The following S1PR5 variants were observed in gnomAD, a reference collection of about 807,000 sequenced individuals.
The protein encoded by S1PR5 is sphingosine 1-phosphate receptor 5.
For synonymous variants in S1PR5, 307 were observed against 284.7 expected (o/e 1.08, Z -0.79); for missense variants, 583 against 571.7 (o/e 1.02, Z -0.20).
In S1PR5 at chr19:10,514,196, C is replaced by G; in HGVS notation, c.816G>C (p.Leu272Phe). The change falls in exon 2 of 2, where the codon TTG becomes TTC. Residue 272 changes from leucine to phenylalanine, a missense_variant. Leu to Phe is a conservative substitution (Grantham distance 22, BLOSUM62 0). Transcript: ENST00000333430. ...ACWGPLFLLL[L>F]LDVACPARTC... Reference sequence around the variant, plus strand: ...TGCGCGCCGGGCACGCCACGTCGAGCAACAGCAGCAGGAAGAGGGGGCCCC... The same window carrying G: ...TGCGCGCCGGGCACGCCACGTCGAGGAACAGCAGCAGGAAGAGGGGGCCCC... 1 of 1,612,006 alleles carries G rather than the reference C, an allele frequency of 6.2e-7. No homozygotes were observed. The highest frequency in any genetic ancestry group is 8.5e-7 in the Non-Finnish European group (1 of 1,179,494).
Position 10,514,748 on chromosome 19 carries a change from G to C in S1PR5, c.264C>G (p.Ala88=). 1 of 1,612,004 alleles carries C rather than the reference G, an allele frequency of 6.2e-7. No homozygotes were observed. The highest frequency in any genetic ancestry group is 1.3e-5 in the African/African-American group (1 of 75,044). Residue 88 remains alanine (A), a synonymous_variant, in exon 2 of 2, where the codon GCC becomes GCG. Transcript: ENST00000333430. ...LTLSDLLAGA[A]YAANILLSGP... ...CCGACAGTAGGATGTTGGCGGCGTA[G>C]GCGGCGCCTGCCAGCAGATCCGACA... is the stretch of plus-strand genomic sequence containing the variant.
chr19:10,515,830 A>C (rs1167198362), intron 1 of S1PR5, among the ~76,000 whole-genome samples: 1 of 152,028 alleles, frequency 6.6e-6, no homozygotes, highest in East Asian at 1.9e-4. Flanking sequence ...GTCCCAGCTG[A>C]GGTGAGAGGA....
Position 10,514,928 on chromosome 19 carries a change from C to T in S1PR5, c.84G>A (p.Ala28=). The T allele has an allele frequency of 6.2e-7, 1 of 1,609,274 alleles. No homozygotes were observed. Among genetic ancestry groups the T allele is most frequent in the South Asian group, 1.1e-5 (1 of 90,894 alleles). The change falls in exon 2 of 2, where the codon GCG becomes GCA. Residue 28 remains alanine (A), a synonymous_variant. Coordinates refer to ENST00000333430, the MANE Select transcript of S1PR5 (RefSeq NM_030760.5). ...HYNYTGKLRG[A]RYQPGAGLRA... is the part of the protein sequence containing the mutation. ...GCAGGCCGGCACCCGGCTGGTAGCG[C>T]GCACCGCGGAGCTTGCCGGTGTAGT...
rs1383113926 is a variant in S1PR5, at chr19:10,514,068, T to A, written c.944A>T (p.His315Leu). 3.1e-6 allele frequency: 5 copies of A among 1,612,310 alleles called. No homozygotes were observed. In the Admixed American group the frequency reaches 5.0e-5, roughly 16 times the overall value. ...GCAGCAGACCAGGCGCAGGAGCGCG[T>A]GGCGCAGGTCGCGGTTGGTGAGCGT... ...IYTLTNRDLR[H>L]ALLRLVCCGR... is the part of the protein sequence containing the mutation. Residue 315 changes from histidine to leucine, a missense_variant, in exon 2 of 2, where the codon CAC (histidine) becomes CTC (leucine). His to Leu is a moderately conservative substitution (Grantham distance 99). Transcript: ENST00000333430.
chr19:10,515,316 T>C (rs1008214209), intron 1 of S1PR5, among the ~76,000 whole-genome samples: 3 of 152,006 alleles, frequency 2.0e-5, no homozygotes, highest in Admixed American at 1.3e-4. Context: ...CTCAGGCCTG[T>C]AATCCCCGCC....
In S1PR5 at chr19:10,513,762, T is replaced by C. The variant is rs927872144; in HGVS notation, c.*53A>G. The C allele has an allele frequency of 1.3e-5, 21 of 1,579,642 alleles. No homozygotes were observed. The highest frequency in any genetic ancestry group is 2.3e-5 in the East Asian group (1 of 43,968). ...GCTGCATTTCCTACAAATTCCTTTA[T>C]GTAAAAAGAACAAGTCTGTAAAACT... is the stretch of plus-strand genomic sequence containing the variant. On this transcript the variant is annotated 3_prime_UTR_variant, in exon 2 of 2. Transcript: ENST00000333430.
chr19:10,516,258 C>T (rs1276145584), intron 1 of S1PR5, among the ~76,000 whole-genome samples: 2 of 152,106 alleles, frequency 1.3e-5, no homozygotes, highest in African/African-American at 2.4e-5. Context: ...TGTCTCACTG[C>T]ATACAAAGCT....
chr19:10,516,173 C>A (rs921350428), intron 1 of S1PR5, among the ~76,000 whole-genome samples: 21 of 152,248 alleles, frequency 1.4e-4, no homozygotes, highest in Non-Finnish European at 1.0e-4. Flanking sequence ...GGTCTCCCAC[C>A]CAGTGGCACA....
chr19:10,515,001 C>A lies in S1PR5; in HGVS notation c.11G>T (p.Gly4Val). ...GCTCACCGGCGCCGGCCGCAGCAGC[C>A]CCGACTCCATGGGCCGCGCGCCCCA... The part of the protein sequence containing the change: MES[G>V]LLRPAPVSEV... The change falls in exon 2 of 2, where the codon GGG becomes GTG. Residue 4 changes from glycine (G) to valine (V), a missense_variant. Gly to Val is a moderately radical substitution (Grantham distance 109). Coordinates refer to ENST00000333430, the MANE Select transcript of S1PR5 (RefSeq NM_030760.5). 6.4e-7 allele frequency: 1 copy of A among 1,562,858 alleles called. No homozygotes were observed. Among genetic ancestry groups the A allele is most frequent in the Non-Finnish European group, 8.6e-7 (1 of 1,159,970 alleles).
Position 10,514,634 on chromosome 19 carries a change from G to A in S1PR5, c.378C>T (p.Leu126=), listed in dbSNP as rs1915383922. 3 of 1,598,710 alleles carry A rather than the reference G, an allele frequency of 1.9e-6. No homozygotes were observed. The East Asian group carries it at 6.8e-5, about 36-fold the overall frequency. The change falls in exon 2 of 2, where the codon CTC becomes CTT. Residue 126 remains leucine, a synonymous_variant. Coordinates refer to ENST00000333430, the MANE Select transcript of S1PR5 (RefSeq NM_030760.5). ...FVALTASVLS[L]LAIALERSLT... is the part of the protein sequence containing the mutation. The stretch of plus-strand genomic sequence containing the variant: ...GGCTGCGCTCCAGCGCGATGGCCAG[G>A]AGGCTCAGCACGGACGCAGTGAGTG...
chr19:10,516,277 C>A (rs1915435724), intron 1 of S1PR5, among the ~76,000 whole-genome samples: 1 of 152,068 alleles, frequency 6.6e-6, no homozygotes, highest in Admixed American at 6.6e-5. Context: ...CTTTTTCCTG[C>A]CAAAACCCCC....
chr19:10,513,960 C>A lies in S1PR5; in HGVS notation c.1052G>T (p.Cys351Phe). Residue 351 changes from cysteine (C) to phenylalanine (F), a missense_variant, in exon 2 of 2, where the codon TGC becomes TTC. Physicochemically the swap from Cys to Phe is radical, Grantham distance 205. Transcript: ENST00000333430. ...AAEASGGLRR[C>F]LPPGLDGSFS... Reference sequence around the variant, plus strand: ...GCTCCCATCAAGGCCCGGGGGCAGGCAGCGGCGCAGGCCCCCGGAAGCCTC... The same window carrying A: ...GCTCCCATCAAGGCCCGGGGGCAGGAAGCGGCGCAGGCCCCCGGAAGCCTC... The A allele has an allele frequency of 6.3e-7, 1 of 1,597,912 alleles. No homozygotes were observed. The highest frequency in any genetic ancestry group is 1.1e-5 in the South Asian group (1 of 89,900).
Position 10,513,447 on chromosome 19 carries a change from G to A in S1PR5, c.*368C>T, listed in dbSNP as rs1599499103. ...CACATTTCAGCCTCAGGGCCTTTGC[G>A]CATGCCATTCCCTCATCCTGAAATG... On this transcript the variant is annotated 3_prime_UTR_variant, in exon 2 of 2. Transcript: ENST00000333430. 4.1e-6 allele frequency: 2 copies of A among 489,550 alleles called. No individual in the cohort carries two copies. Among genetic ancestry groups the A allele is most frequent in the South Asian group, 3.8e-5 (1 of 26,012 alleles). 30.3% of individuals were successfully genotyped at this position (489,550 alleles called of 1,614,324 possible). A position where few individuals can be genotyped will look rare whatever the true frequency, so the allele number is the denominator to read the frequency against.
chr19:10,513,417 A>C lies in S1PR5; in HGVS notation c.*398T>G. ...AGCATCGCTGCATTTCTTAGAACAC[A>C]TGGGCACATTTCAGCCTCAGGGCCT... On this transcript the variant is annotated 3_prime_UTR_variant, in exon 2 of 2. Coordinates refer to ENST00000333430, the MANE Select transcript of S1PR5 (RefSeq NM_030760.5). 2.1e-6 allele frequency: 1 copy of C among 468,548 alleles called. No homozygotes were observed. Among genetic ancestry groups the C allele is most frequent in the Non-Finnish European group, 3.7e-6 (1 of 269,456 alleles). 29.0% of individuals were successfully genotyped at this position (468,548 alleles called of 1,614,324 possible). A position where few individuals can be genotyped will look rare whatever the true frequency, so the allele number is the denominator to read the frequency against.
At chr19:10,517,691 T>A (rs1302818615), upstream of S1PR5, 5 of 985,392 alleles carry the variant, frequency 5.1e-6, no homozygotes, top group African/African-American at 1.7e-5. Flanking sequence ...TCCATCGCGG[T>A]GGGAGGACTC....
At position 10,514,322 on chromosome 19, in the gene S1PR5, G is replaced by A; in HGVS notation, c.690C>T (p.Pro230=). Residue 230 remains proline (P), a synonymous_variant, in exon 2 of 2, where the codon CCC becomes CCT. Coordinates refer to ENST00000333430, the MANE Select transcript of S1PR5 (RefSeq NM_030760.5). ...GGGTCGAGGTGGTCCCCGCAGTCCC[G>A]GGCCGTGCCGGCAGGCGCCGCGCGT... ...RANARRLPAR[P]GTAGTTSTRA... 6.4e-7 allele frequency: 1 copy of A among 1,567,380 alleles called. No individual in the cohort carries two copies. Among genetic ancestry groups the A allele is most frequent in the Non-Finnish European group, 8.6e-7 (1 of 1,157,200 alleles).
At position 10,514,059 on chromosome 19, in the gene S1PR5, A is replaced by T. The variant is rs35483143; in HGVS notation, c.953T>A (p.Leu318Gln). 40,695 of 1,612,310 alleles carry T rather than the reference A, an allele frequency of 0.025. 910 individuals carry two copies. Among genetic ancestry groups the T allele is most frequent in the South Asian group, 0.098 (8,964 of 91,068 alleles). ...LTNRDLRHAL[L>Q]RLVCCGRHSC... Reference sequence around the variant, plus strand: ...GTGGCGTCCGCAGCAGACCAGGCGCAGGAGCGCGTGGCGCAGGTCGCGGTT... The same window carrying T: ...GTGGCGTCCGCAGCAGACCAGGCGCTGGAGCGCGTGGCGCAGGTCGCGGTT... Residue 318 changes from leucine to glutamine, a missense_variant, in exon 2 of 2, where the codon CTG (leucine) becomes CAG (glutamine). Physicochemically the swap from Leu to Gln is moderately radical, Grantham distance 113. Coordinates refer to ENST00000333430, the MANE Select transcript of S1PR5 (RefSeq NM_030760.5).
At position 10,513,975 on chromosome 19, in the gene S1PR5, C is replaced by G. The variant is rs767304329; in HGVS notation, c.1037G>C (p.Gly346Ala). The change falls in exon 2 of 2, where the codon GGG (glycine) becomes GCG (alanine). Residue 346 changes from glycine to alanine, a missense_variant. Coordinates refer to ENST00000333430, the MANE Select transcript of S1PR5 (RefSeq NM_030760.5). ...QQSASAAEAS[G>A]GLRRCLPPGL... is the part of the protein sequence containing the mutation. ...CGGGGGCAGGCAGCGGCGCAGGCCC[C>G]CGGAAGCCTCAGCCGCGCTCGCCGA... 1 of 1,600,452 alleles carries G rather than the reference C, an allele frequency of 6.2e-7. No homozygotes were observed. The highest frequency in any genetic ancestry group is 2.2e-5 in the East Asian group (1 of 44,510).
In S1PR5 at chr19:10,513,565, T is replaced by A; in HGVS notation, c.*250A>T. 1 of 595,324 alleles carries A rather than the reference T, an allele frequency of 1.7e-6. No individual in the cohort carries two copies. The highest frequency in any genetic ancestry group is 2.9e-6 in the Non-Finnish European group (1 of 344,220). 36.9% of individuals were successfully genotyped at this position (595,324 alleles called of 1,614,324 possible). A position where few individuals can be genotyped will look rare whatever the true frequency, so the allele number is the denominator to read the frequency against. ...GTCTTCCCTGACCACCATCACCATCTCTGTCGTTTGTCACTGGAATCATCT... is the reference window on the plus strand; with the variant it reads ...GTCTTCCCTGACCACCATCACCATCACTGTCGTTTGTCACTGGAATCATCT... On this transcript the variant is annotated 3_prime_UTR_variant, in exon 2 of 2. Transcript: ENST00000333430.
Sources: allele counts gnomAD v4.1 joint callset (sites outside exome capture counted in the v4.1 genomes callset), GRCh38; gene constraint gnomAD v4.1.1; transcripts MANE v1.5; gene names NCBI Gene and HGNC (gene_info 2026-07-23, HGNC 2026-07-21).